VAV2: variants seen among roughly 807,000 people sequenced by gnomAD.
The protein encoded by VAV2 is guanine nucleotide exchange factor VAV2.
A neutral mutation model predicts 132.5 loss-of-function variants in VAV2; 67 were observed. That is an observed-to-expected ratio of 0.51 (90% CI 0.42 to 0.62). The LOEUF (loss-of-function observed/expected upper bound fraction) is 0.62. Ranked by LOEUF, VAV2 falls within the 20% of genes least tolerant of loss-of-function variation. VAV2 has a pLI of 0.00. For missense variants in VAV2, 938 were observed against 1,153.6 expected (o/e 0.81, Z 2.71); for synonymous variants, 492 against 443.5 (o/e 1.11, Z -1.37).
At position 133,815,239 on chromosome 9, in the gene VAV2, G is replaced by A. The variant is rs184621991; in HGVS notation, c.450-3023C>T. Reference sequence around the variant, plus strand: ...TCTTGAAGACAGAACTGTCACGCCCGGATCTAGGTACAAGTCCACGTCTGT... The same window carrying A: ...TCTTGAAGACAGAACTGTCACGCCCAGATCTAGGTACAAGTCCACGTCTGT... On this transcript the variant is annotated intron_variant, in intron 4 of 29. Coordinates refer to ENST00000371850, the MANE Select transcript of VAV2 (RefSeq NM_001134398.2). Among the ~76,000 whole-genome samples the A allele has an allele frequency of 1.6e-4, 24 of 152,136 alleles. No individual in the cohort carries two copies. The East Asian group carries it at 2.3e-3, about 15-fold the overall frequency.
chr9:133,839,866 G>A (rs189639613), intron 3 of VAV2, among the ~76,000 whole-genome samples: 3 of 152,312 alleles, frequency 2.0e-5, no homozygotes, highest in Admixed American at 2.0e-4. Context: ...ACACACATTT[G>A]CACAGAGAAT....
chr9:133,949,037 C>T (rs1481356924), intron 1 of VAV2, among the ~76,000 whole-genome samples: 3 of 152,202 alleles, frequency 2.0e-5, no homozygotes, highest in Non-Finnish European at 4.4e-5. Flanking sequence ...CAGGCTCTGT[C>T]GGTGGGTGCC....
At chr9:133,966,805 C>T (rs921618060) in intron 1 of VAV2, among the ~76,000 whole-genome samples, 4 of 152,174 alleles carry the variant, frequency 2.6e-5, no homozygotes, top group African/African-American at 9.6e-5. Flanking sequence ...GAGGCCGTGG[C>T]GGGCAGATCA....
intron 2 of VAV2, among the ~76,000 whole-genome samples, chr9:133,896,273 A>G (rs1839199585): frequency 6.6e-6 from 1 of 152,074 alleles, no homozygotes; most frequent in Admixed American, 6.6e-5. Flanking sequence ...GGCCAACACA[A>G]TGAAACCCCG....
Position 133,861,565 on chromosome 9 carries a change from C to A in VAV2, c.322-133G>T, listed in dbSNP as rs1487969988. Reference sequence around the variant, plus strand: ...CATCGCATCTGGGTAAGAAACACGGCATAGCGTTTTGTAGGCTAGACACTT... The same window carrying A: ...CATCGCATCTGGGTAAGAAACACGGAATAGCGTTTTGTAGGCTAGACACTT... On this transcript the variant is annotated intron_variant, in intron 2 of 29. Transcript: ENST00000371850. 7.4e-6 allele frequency: 7 copies of A among 946,314 alleles called. No homozygotes were observed. In the East Asian group the frequency reaches 2.0e-4, roughly 27 times the overall value. 58.6% of individuals were successfully genotyped at this position (946,314 alleles called of 1,614,324 possible).
rs1310435410 is a variant in VAV2 at position 133,834,304 on chromosome 9, A to G, written c.417T>C (p.Asp139=). 6.2e-7 allele frequency: 1 copy of G among 1,612,020 alleles called. No homozygotes were observed. The highest frequency in any genetic ancestry group is 8.5e-7 in the Non-Finnish European group (1 of 1,179,282). Residue 139 remains aspartate, a synonymous_variant, in exon 4 of 30, where the codon GAT becomes GAC. Coordinates refer to ENST00000371850, the MANE Select transcript of VAV2 (RefSeq NM_001134398.2). This position sits in a 1 kb window ranked among gnomAD's most constrained non-coding sequence, Gnocchi z 5.9. ...FPSEETTEND[D]DVYRSLEELA... ...GCTCCTCCAGGCTGCGGTAGACGTC[A>G]TCGTCATTCTCTGTGGTCTCCTCTG...
intron 1 of VAV2, among the ~76,000 whole-genome samples, chr9:133,982,598 G>A (rs533978680): frequency 1.6e-4 from 25 of 152,164 alleles, no homozygotes; most frequent in East Asian, 7.7e-4. Context: ...GGCAGACTCC[G>A]GCTGCCGCCT....
chr9:133,899,409 T>TTTTA (rs973619691), intron 2 of VAV2, among the ~76,000 whole-genome samples: 3 of 151,260 alleles, frequency 2.0e-5, no homozygotes, highest in African/African-American at 7.3e-5. Context: ...ATTTAATATA[T>TTTTA]TTTATTTATT....
At chr9:133,830,022 G>A (rs912420048) in intron 4 of VAV2, among the ~76,000 whole-genome samples, 4 of 152,116 alleles carry the variant, frequency 2.6e-5, no homozygotes, top group Non-Finnish European at 4.4e-5. Flanking sequence ...TGGAATGAAC[G>A]ATGATCGTGT....
At chr9:133,856,777 G>GC (rs1837400412) in intron 3 of VAV2, among the ~76,000 whole-genome samples, 1 of 152,164 alleles carries the variant, frequency 6.6e-6, no homozygotes, top group Non-Finnish European at 1.5e-5. Flanking sequence ...GCATTCCTGG[G>GC]CCCACAGCCC....
chr9:133,900,433 C>T (rs1000935830), intron 2 of VAV2, among the ~76,000 whole-genome samples: 3 of 152,142 alleles, frequency 2.0e-5, no homozygotes, highest in African/African-American at 7.2e-5. Context: ...TCCCCTAAAG[C>T]CAGTCATCAA....
chr9:133,785,725 C>A (rs1424087694), intron 17 of VAV2, 51 bp downstream of exon 17: 3 of 1,563,516 alleles, frequency 1.9e-6, no homozygotes. Flanking sequence ...GCTTCCACCC[C>A]CCATACAACT....
At chr9:133,947,914 C>T (rs1220566035) in intron 1 of VAV2, among the ~76,000 whole-genome samples, 6 of 151,840 alleles carry the variant, frequency 4.0e-5, no homozygotes, top group Non-Finnish European at 7.4e-5. Flanking sequence ...CTCAGCCTCC[C>T]GAGCAGCTGG....
intron 12 of VAV2, among the ~76,000 whole-genome samples, chr9:133,793,683 G>A (rs984930559): frequency 2.0e-5 from 3 of 152,236 alleles, no homozygotes; most frequent in African/African-American, 4.8e-5. Context: ...AGCAGGTGAG[G>A]GAAATGTCTG....
Position 133,937,883 on chromosome 9 carries a change from G to A in VAV2, c.321+1220C>T, listed in dbSNP as rs563864522. Among the ~76,000 whole-genome samples the A allele has an allele frequency of 1.6e-3, 238 of 152,290 alleles. 1 individual carries two copies. Among genetic ancestry groups the A allele is most frequent in the African/African-American group, 5.7e-3 (235 of 41,552 alleles). On this transcript the variant is annotated intron_variant, in intron 2 of 29. Transcript: ENST00000371850. ...AAGGGACACAAACTTCTAAGGATTC[G>A]ATGATTACACAGAGATGGGCTCATG... is the stretch of plus-strand genomic sequence containing the variant.
intron 1 of VAV2, among the ~76,000 whole-genome samples, chr9:133,953,228 G>A (rs996873891): frequency 6.6e-6 from 1 of 152,242 alleles, no homozygotes; most frequent in African/African-American, 2.4e-5. Context: ...GCTGGAAGGC[G>A]CTGGCCTGTG....
At chr9:133,808,247 G>A (rs1225221218) in intron 7 of VAV2, among the ~76,000 whole-genome samples, 1 of 152,236 alleles carries the variant, frequency 6.6e-6, no homozygotes, top group East Asian at 1.9e-4. Context: ...TGTGCGTGCA[G>A]AAAGGCCGCT....
chr9:133,901,750 A>G (rs1204004515), intron 2 of VAV2, among the ~76,000 whole-genome samples: 10 of 152,106 alleles, frequency 6.6e-5, no homozygotes, highest in Admixed American at 5.9e-4. Flanking sequence ...TTCTGACACC[A>G]GGCCCTCCCG....
Position 133,977,219 on chromosome 9 carries a change from A to G in VAV2, c.204+14856T>C, listed in dbSNP as rs549493217. Among the ~76,000 whole-genome samples, 5 of 152,322 alleles carry G rather than the reference A, an allele frequency of 3.3e-5. No homozygotes were observed. The South Asian group carries it at 1.0e-3, about 32-fold the overall frequency. ...CATCCCACGAGGACCTCCGGCATCC[A>G]ATGGGTGCCTGGTGTCCATTTGAGG... On this transcript the variant is annotated intron_variant, in intron 1 of 29. Coordinates refer to ENST00000371850, the MANE Select transcript of VAV2 (RefSeq NM_001134398.2).
Sources: gnomAD v4.1 joint callset for allele counts (sites outside exome capture counted in the v4.1 genomes callset) on GRCh38, gnomAD v4.1.1 for gene constraint, Gnocchi (gnomAD v3.1) non-coding constraint, MANE v1.5 for transcripts, NCBI Gene and HGNC (gene_info 2026-07-23, HGNC 2026-07-21) for gene names.